CRB1: variants seen among roughly 807,000 people sequenced by gnomAD.
CRB1 encodes protein crumbs homolog 1.
In CRB1, 83 loss-of-function variants were observed where a neutral mutation model predicts 120.0. The ratio of observed to expected loss-of-function variants is 0.69; its 90% CI spans 0.58 to 0.83. The LOEUF is 0.83. Ranked by LOEUF, CRB1 falls within the 40% of genes least tolerant of loss-of-function variation. The pLI is 0.00. For missense variants in CRB1, 1,699 were observed against 1,687.6 expected, an observed-to-expected ratio of 1.01 and a Z score of -0.12; for synonymous variants, 625 against 612.5, an observed-to-expected ratio of 1.02 and a Z score of -0.30.
At chr1:197,277,226 A>G (rs887151800) in intron 1 of CRB1, among the ~76,000 whole-genome samples, 9 of 152,032 alleles carry the variant, frequency 5.9e-5, no homozygotes, top group African/African-American at 2.2e-4. Context: ...CTGCCAAAGC[A>G]GGAATGGCTG....
At chr1:197,313,254 T>A (rs1040603284) in intron 1 of CRB1, among the ~76,000 whole-genome samples, 2 of 152,170 alleles carry the variant, frequency 1.3e-5, no homozygotes, top group African/African-American at 4.8e-5. Context: ...TCCAATCACC[T>A]GCCACCAGGT....
intron 11 of CRB1, among the ~76,000 whole-genome samples, chr1:197,456,628 C>T (rs538840564): frequency 4.8e-4 from 73 of 152,174 alleles, no homozygotes; most frequent in Non-Finnish European, 8.4e-4. Context: ...TGCACAGAAA[C>T]CCCATTATTC....
chr1:197,305,385 G>T (rs745452384), intron 1 of CRB1, among the ~76,000 whole-genome samples: 12 of 152,052 alleles, frequency 7.9e-5, no homozygotes, highest in Non-Finnish European at 1.5e-4. Context: ...GCTATTAGGT[G>T]CTATTAAAAT....
In CRB1 at chr1:197,350,584, A is replaced by G. The variant is rs191780979; in HGVS notation, c.988+3105A>G. ...TAATACAATAGGGATCTGGGAATAT[A>G]AAAGGTATCGTCCCTTCCTCCAAGG... On this transcript the variant is annotated intron_variant, in intron 4 of 11. Coordinates refer to ENST00000367400, the MANE Select transcript of CRB1 (RefSeq NM_201253.3). 3.4e-4 allele frequency among the ~76,000 whole-genome samples: 52 copies of G among 152,330 alleles called. 1 individual carries two copies. The highest frequency in any genetic ancestry group is 1.6e-3 in the Admixed American group (25 of 15,300).
At chr1:197,230,508 A>G in the CRB1 span, among the ~76,000 whole-genome samples, 1 of 152,160 alleles carries the variant, frequency 6.6e-6, no homozygotes, top group Admixed American at 6.5e-5. Context: ...GATGGATATG[A>G]CAACTCAAGT....
At chr1:197,219,143 G>T in the CRB1 span, among the ~76,000 whole-genome samples, 1 of 152,076 alleles carries the variant, frequency 6.6e-6, no homozygotes, top group Non-Finnish European at 1.5e-5. Context: ...TGACAAAATT[G>T]GCCACAAGAA....
intron 1 of CRB1, among the ~76,000 whole-genome samples, chr1:197,300,248 T>C (rs997667445): frequency 1.3e-5 from 2 of 152,018 alleles, no homozygotes; most frequent in East Asian, 3.9e-4. Flanking sequence ...ATTAAGCTTA[T>C]GGAGGAAGGC....
intron 7 of CRB1, 79 bp from the exon 8 acceptor site, chr1:197,429,370 C>G: frequency 2.6e-6 from 4 of 1,523,832 alleles, no homozygotes; most frequent in South Asian, 2.3e-5. Context: ...TTTAAAAAAA[C>G]AGATATGTGG....
At position 197,394,911 on chromosome 1, in the gene CRB1, T is replaced by G. The variant is rs186238838; in HGVS notation, c.1172-26089T>G. Among the ~76,000 whole-genome samples the G allele has an allele frequency of 2.4e-3, 358 of 152,216 alleles. 2 individuals are homozygous for G. The highest frequency in any genetic ancestry group is 3.9e-3 in the Non-Finnish European group (264 of 67,996). ...CAAATAAGATGGGGTATCTCCAAGT[T>G]ATTTCTCTATTTTATGCCTCGGTTA... On this transcript the variant is annotated intron_variant, in intron 5 of 11. Coordinates refer to ENST00000367400, the MANE Select transcript of CRB1 (RefSeq NM_201253.3).
the CRB1 span, among the ~76,000 whole-genome samples, chr1:197,228,798 A>T: frequency 1.3e-5 from 2 of 152,194 alleles, no homozygotes; most frequent in Non-Finnish European, 2.9e-5. Flanking sequence ...GAAGAAAAAG[A>T]GGTTTAATTG....
chr1:197,260,524 G>A, the CRB1 span, among the ~76,000 whole-genome samples: 3 of 151,508 alleles, frequency 2.0e-5, no homozygotes, highest in Non-Finnish European at 4.4e-5. Flanking sequence ...AGAAAAAAAA[G>A]CATTCTTCAA....
At chr1:197,321,512 T>C (rs1342276113) in intron 1 of CRB1, among the ~76,000 whole-genome samples, 1 of 152,214 alleles carries the variant, frequency 6.6e-6, no homozygotes, top group African/African-American at 2.4e-5. Context: ...CAAATTTCCC[T>C]GGGATAAAAA....
chr1:197,219,287 A>C, the CRB1 span, among the ~76,000 whole-genome samples: 1 of 152,226 alleles, frequency 6.6e-6, no homozygotes, highest in Admixed American at 6.5e-5. Flanking sequence ...ATTCTGTGGT[A>C]ACTAGTTTAG....
At chr1:197,311,280 T>C (rs1241596442) in intron 1 of CRB1, among the ~76,000 whole-genome samples, 1 of 152,150 alleles carries the variant, frequency 6.6e-6, no homozygotes, top group East Asian at 1.9e-4. Flanking sequence ...GCGAAATAAG[T>C]CAGAAAGAGA....
intron 1 of CRB1, among the ~76,000 whole-genome samples, chr1:197,297,810 G>A (rs75620013): frequency 0.057 from 8,692 of 152,114 alleles, 299 homozygotes; most frequent in East Asian, 0.075. Flanking sequence ...AGTCAGAAAA[G>A]TATGAAGCTA....
chr1:197,380,737 AG>A (rs1386395213), intron 5 of CRB1, among the ~76,000 whole-genome samples: 1 of 152,184 alleles, frequency 6.6e-6, no homozygotes, highest in Non-Finnish European at 1.5e-5. Context: ...CTCTACACCA[AG>A]ATGCTTTCCT....
At chr1:197,239,171 G>C in the CRB1 span, among the ~76,000 whole-genome samples, 786 of 152,162 alleles carry the variant, frequency 5.2e-3, 11 homozygotes, top group East Asian at 0.046. Flanking sequence ...ATGCAAGCTT[G>C]AGAATAATGT....
intron 5 of CRB1, chr1:197,360,251 G>C (rs900940568): frequency 6.6e-6 from 1 of 152,160 alleles, no homozygotes; most frequent in Non-Finnish European, 1.5e-5. Flanking sequence ...CCCTGTTTCA[G>C]ACTCAATATG....
At chr1:197,205,208 A>G in the CRB1 span, among the ~76,000 whole-genome samples, 1 of 152,152 alleles carries the variant, frequency 6.6e-6, no homozygotes, top group Admixed American at 6.5e-5. Context: ...GCAAGCAGCA[A>G]CAGTTTGACT....
Sources: gnomAD v4.1 joint callset for allele counts (sites outside exome capture counted in the v4.1 genomes callset) on GRCh38, gnomAD v4.1.1 for gene constraint, MANE v1.5 for transcripts, NCBI Gene and HGNC (gene_info 2026-07-23, HGNC 2026-07-21) for gene names.